GMDS: variants seen among roughly 807,000 people sequenced by gnomAD.
GMDS encodes GDP-mannose 4,6-dehydratase, also known as GDP-mannose 4,6 dehydratase.
In GMDS, 20 loss-of-function variants were observed where a neutral mutation model predicts 49.9. The observed-to-expected ratio is 0.40, with a 90% CI of 0.28 to 0.58. The LOEUF is 0.58. Among genes scored for constraint, GMDS ranks in the 20% least tolerant of loss-of-function variants. The probability of loss-of-function intolerance (pLI) is 0.42; values close to 1 mark genes in which losing one functional copy is unlikely to be tolerated. For missense variants in GMDS, 362 were observed against 481.4 expected (o/e 0.75, Z 2.32); for synonymous variants, 177 against 178.6 (o/e 0.99, Z 0.07).
At chr6:2,117,672 G>T (rs1774921490) in intron 2 of GMDS, 116 bp from the exon 3 acceptor site, 8 of 673,220 alleles carry the variant, frequency 1.2e-5, no homozygotes, top group Non-Finnish European at 1.6e-5. Context: ...TAAATTATTA[G>T]AAATAGTCCC....
At chr6:2,074,258 C>T (rs1334773551) in intron 4 of GMDS, among the ~76,000 whole-genome samples, 2 of 152,302 alleles carry the variant, frequency 1.3e-5, no homozygotes, top group Non-Finnish European at 1.5e-5. Flanking sequence ...TTACATTTCC[C>T]TGACACTTAG....
chr6:1,687,948 A>G (rs1413689244), intron 9 of GMDS, among the ~76,000 whole-genome samples: 2 of 152,178 alleles, frequency 1.3e-5, no homozygotes, highest in Non-Finnish European at 2.9e-5. Flanking sequence ...CTGTAAAGCC[A>G]CAGGTGGGTT....
At chr6:2,111,273 G>A (rs903572493) in intron 4 of GMDS, among the ~76,000 whole-genome samples, 2 of 152,280 alleles carry the variant, frequency 1.3e-5, no homozygotes, top group South Asian at 2.1e-4. Context: ...GCAGGACTAC[G>A]CATTGGATAA....
intron 9 of GMDS, among the ~76,000 whole-genome samples, chr6:1,658,900 A>G (rs547764555): frequency 6.6e-6 from 1 of 152,356 alleles, no homozygotes; most frequent in South Asian, 2.1e-4. Context: ...GGAATACCTG[A>G]ACGGCTCTCA....
intron 4 of GMDS, among the ~76,000 whole-genome samples, chr6:2,035,229 A>G (rs1011744443): frequency 3.9e-5 from 6 of 152,140 alleles, no homozygotes; most frequent in South Asian, 2.1e-4. Context: ...GAAAGGTGTT[A>G]ATCATTAACA....
chr6:1,946,528 C>T (rs1482218085), intron 6 of GMDS, among the ~76,000 whole-genome samples: 1 of 152,146 alleles, frequency 6.6e-6, no homozygotes, highest in Non-Finnish European at 1.5e-5. Context: ...ACTAACATCA[C>T]TAACAGTCCC....
chr6:1,829,211 T>C (rs569990403), intron 7 of GMDS, among the ~76,000 whole-genome samples: 5 of 152,306 alleles, frequency 3.3e-5, no homozygotes, highest in Non-Finnish European at 5.9e-5. Flanking sequence ...TAAGTGAACC[T>C]GCACAGTTCA....
intron 9 of GMDS, among the ~76,000 whole-genome samples, chr6:1,685,200 C>A (rs1356024473): frequency 7.3e-6 from 1 of 136,062 alleles, no homozygotes; most frequent in African/African-American, 2.8e-5. Flanking sequence ...AGTTCGAGAT[C>A]AGCCTGGTCA....
chr6:1,929,123 A>C (rs1423656106), intron 7 of GMDS, among the ~76,000 whole-genome samples: 1 of 152,254 alleles, frequency 6.6e-6, no homozygotes, highest in Non-Finnish European at 1.5e-5. Context: ...CAAAAACAAG[A>C]TGGCAGGTGA....
chr6:2,141,699 GA>G (rs1332432433), intron 1 of GMDS, among the ~76,000 whole-genome samples: 1 of 152,184 alleles, frequency 6.6e-6, no homozygotes, highest in Non-Finnish European at 1.5e-5. Flanking sequence ...GGATGTCAAG[GA>G]AAGGTGACCA....
In GMDS at chr6:2,041,690, TA is replaced by T. The variant is rs371061604; in HGVS notation, c.345+74080del. Among the ~76,000 whole-genome samples, 722 of 152,194 alleles carry T rather than the reference TA, an allele frequency of 4.7e-3. 9 individuals carry two copies. Among genetic ancestry groups the T allele is most frequent in the Middle Eastern group, 0.037 (11 of 294 alleles). On this transcript the variant is annotated intron_variant, in intron 4 of 10. Coordinates refer to ENST00000380815, the MANE Select transcript of GMDS (RefSeq NM_001500.4). ...GGGGAGGTGGAGGTCAGGAGTGCAGTAGGGCTCAGGGGTGTCTGCTGAACAT... is the reference window on the plus strand; with the variant it reads ...GGGGAGGTGGAGGTCAGGAGTGCAGTGGGCTCAGGGGTGTCTGCTGAACAT...
At chr6:2,124,813 C>T (rs1775328134) in intron 1 of GMDS, 82 bp from the exon 2 acceptor site, 1 of 1,021,224 alleles carries the variant, frequency 9.8e-7, no homozygotes, top group Non-Finnish European at 1.5e-6. Flanking sequence ...TTGAGAAAAG[C>T]ATTTAAAAGG....
At chr6:1,913,835 T>C (rs1761208796) in intron 7 of GMDS, among the ~76,000 whole-genome samples, 1 of 152,104 alleles carries the variant, frequency 6.6e-6, no homozygotes, top group South Asian at 2.1e-4. Flanking sequence ...AAAAAAGTAC[T>C]AATAGGTCAA....
intron 7 of GMDS, among the ~76,000 whole-genome samples, chr6:1,768,524 C>T (rs1459794949): frequency 6.6e-6 from 1 of 152,164 alleles, no homozygotes; most frequent in African/African-American, 2.4e-5. Flanking sequence ...TTTACTCATT[C>T]CTTCATGAAT....
intron 1 of GMDS, among the ~76,000 whole-genome samples, chr6:2,138,090 T>C (rs893584707): frequency 1.3e-5 from 2 of 152,232 alleles, no homozygotes; most frequent in South Asian, 2.1e-4. Context: ...AATGTTTGAA[T>C]TGAATGTTCT....
chr6:1,892,119 G>C (rs1218532604), intron 7 of GMDS, among the ~76,000 whole-genome samples: 1 of 151,614 alleles, frequency 6.6e-6, no homozygotes, highest in Non-Finnish European at 1.5e-5. Context: ...ACATAGTAGA[G>C]ATGTAAGTAG....
intron 4 of GMDS, among the ~76,000 whole-genome samples, chr6:2,027,128 C>T (rs771446288): frequency 1.6e-4 from 25 of 151,988 alleles, no homozygotes; most frequent in Non-Finnish European, 3.1e-4. Flanking sequence ...AGAAGAGGAC[C>T]CTGGCTGGTA....
At chr6:1,728,613 AAC>A (rs901772047) in intron 8 of GMDS, among the ~76,000 whole-genome samples, 2 of 152,148 alleles carry the variant, frequency 1.3e-5, no homozygotes, top group African/African-American at 2.4e-5. Context: ...ATCACACACA[AAC>A]ACACACACAT....
At chr6:1,928,964 G>C (rs894700626) in intron 7 of GMDS, among the ~76,000 whole-genome samples, 6 of 134,798 alleles carry the variant, frequency 4.5e-5, no homozygotes, top group Non-Finnish European at 9.3e-5. Flanking sequence ...GAGAGACTCT[G>C]TCTCAAAAAT....
Sources: gnomAD v4.1 joint callset for allele counts (sites outside exome capture counted in the v4.1 genomes callset) on GRCh38, gnomAD v4.1.1 for gene constraint, MANE v1.5 for transcripts, NCBI Gene and HGNC (gene_info 2026-07-23, HGNC 2026-07-21) for gene names.